The following KCNK9 variants were observed in gnomAD, a reference collection of about 807,000 sequenced individuals.
KCNK9 encodes the protein potassium channel subfamily K member 9.
Under a neutral mutation model 10.8 loss-of-function variants are expected in KCNK9, and 1 was observed. The ratio of observed to expected loss-of-function variants is 0.09; its 90% confidence interval spans 0.03 to 0.44. The LOEUF (loss-of-function observed/expected upper bound fraction) is 0.44. Ranked by LOEUF, KCNK9 falls within the 20% of genes least tolerant of loss-of-function variation. KCNK9 has a pLI of 0.97. For synonymous variants in KCNK9, 231 were observed against 222.7 expected (o/e 1.04, Z -0.33); for missense variants, 303 against 515.0 (o/e 0.59, Z 3.98).
At chr8:139,663,688 A>T (rs1379668396) in intron 1 of KCNK9, among the ~76,000 whole-genome samples, 8 of 107,672 alleles carry the variant, frequency 7.4e-5, no homozygotes, top group East Asian at 3.3e-4. Context: ...TGTGTTAGAG[A>T]GAGAGATAGA....
chr8:139,643,692 G>A (rs1298566839), intron 1 of KCNK9, among the ~76,000 whole-genome samples: 3 of 152,190 alleles, frequency 2.0e-5, no homozygotes, highest in African/African-American at 7.2e-5. Context: ...GCTGCTGGCA[G>A]CCCCCACCCC....
chr8:139,604,511 G>A (rs968702651), intron 2 of KCNK9, among the ~76,000 whole-genome samples: 21 of 152,172 alleles, frequency 1.4e-4, no homozygotes, highest in Non-Finnish European at 2.6e-4. Flanking sequence ...CACAAGCCGG[G>A]CACGCAGATA....
intron 1 of KCNK9, among the ~76,000 whole-genome samples, chr8:139,643,002 C>T (rs1014806802): frequency 9.2e-5 from 14 of 152,150 alleles, no homozygotes; most frequent in South Asian, 2.1e-4. Flanking sequence ...CTCCCTCCAC[C>T]GAGGCCCAGC....
intron 1 of KCNK9, among the ~76,000 whole-genome samples, chr8:139,641,409 A>G (rs1397356365): frequency 6.6e-6 from 1 of 152,170 alleles, no homozygotes; most frequent in African/African-American, 2.4e-5. Flanking sequence ...CAATCAAGCC[A>G]GCACAGATGA....
intron 1 of KCNK9, among the ~76,000 whole-genome samples, chr8:139,653,507 C>A (rs1433408477): frequency 1.3e-5 from 2 of 151,826 alleles, no homozygotes; most frequent in Non-Finnish European, 2.9e-5. Context: ...AGACCTCCCC[C>A]ACCACCCCCG....
At chr8:139,665,138 A>C (rs1816266222) in intron 1 of KCNK9, among the ~76,000 whole-genome samples, 1 of 152,200 alleles carries the variant, frequency 6.6e-6, no homozygotes, top group Admixed American at 6.5e-5. Flanking sequence ...CTTGCAGTTC[A>C]AGAGGTTAGA....
chr8:139,671,591 AC>A (rs1309674715), intron 1 of KCNK9, among the ~76,000 whole-genome samples: 2 of 149,778 alleles, frequency 1.3e-5, no homozygotes, highest in Non-Finnish European at 3.0e-5. Flanking sequence ...GCTCACTGCA[AC>A]CTCTGCCTTC....
At chr8:139,700,054 G>A (rs1817166215) in intron 1 of KCNK9, among the ~76,000 whole-genome samples, 1 of 152,118 alleles carries the variant, frequency 6.6e-6, no homozygotes, top group Non-Finnish European at 1.5e-5. Flanking sequence ...AGGCCTAGGA[G>A]CATCTTAATT....
chr8:139,641,197 G>A (rs1475574836), intron 1 of KCNK9, among the ~76,000 whole-genome samples: 1 of 152,150 alleles, frequency 6.6e-6, no homozygotes, highest in African/African-American at 2.4e-5. Context: ...GGTGTGTGCT[G>A]TGGTGAGAAC....
chr8:139,690,069 T>G (rs1485408070), intron 1 of KCNK9, among the ~76,000 whole-genome samples: 1 of 152,216 alleles, frequency 6.6e-6, no homozygotes, highest in African/African-American at 2.4e-5. Context: ...TAGATGGTGG[T>G]TGTTTTCAGC....
At position 139,687,485 on chromosome 8, in the gene KCNK9, T is replaced by C. The variant is rs935333559; in HGVS notation, c.283+15225A>G. Among the ~76,000 whole-genome samples, 5 of 110,836 alleles carry C rather than the reference T, an allele frequency of 4.5e-5. 1 individual carries two copies. Among genetic ancestry groups the C allele is most frequent in the Admixed American group, 1.8e-4 (2 of 11,162 alleles). 72.7% of individuals were successfully genotyped at this position (110,836 alleles called of 152,430 possible). A position where few individuals can be genotyped will look rare whatever the true frequency, so the allele number is the denominator to read the frequency against. On this transcript the variant is annotated intron_variant, in intron 1 of 1. Coordinates refer to ENST00000520439, the MANE Select transcript of KCNK9 (RefSeq NM_001282534.2). ...TCATATATTCATATATATGTATACA[T>C]ATATACACATATATACATATATATG...
intron 1 of KCNK9, among the ~76,000 whole-genome samples, chr8:139,690,542 C>G (rs1816915598): frequency 6.6e-6 from 1 of 152,180 alleles, no homozygotes; most frequent in South Asian, 2.1e-4. Flanking sequence ...AACTCCCTGT[C>G]ACTGGAAGGT....
chr8:139,671,839 G>A (rs1262579925), intron 1 of KCNK9, among the ~76,000 whole-genome samples: 1 of 152,194 alleles, frequency 6.6e-6, no homozygotes, highest in Non-Finnish European at 1.5e-5. Flanking sequence ...GGGATTACAG[G>A]TGTGAGCCAC....
downstream of KCNK9, among the ~76,000 whole-genome samples, chr8:139,609,106 A>ACCTCACCCCG (rs1554617337): frequency 8.1e-6 from 1 of 123,852 alleles, no homozygotes; most frequent in African/African-American, 3.2e-5. Flanking sequence ...GACCCATCCC[A>ACCTCACCCCG]CCCCACCCCG....
chr8:139,651,291 G>A (rs1815854479), intron 1 of KCNK9, among the ~76,000 whole-genome samples: 1 of 152,140 alleles, frequency 6.6e-6, no homozygotes, highest in Non-Finnish European at 1.5e-5. Flanking sequence ...TCCACCTGTG[G>A]GGGTCCCCCT....
At chr8:139,668,891 G>T (rs763715709) in intron 1 of KCNK9, among the ~76,000 whole-genome samples, 11 of 152,300 alleles carry the variant, frequency 7.2e-5, no homozygotes, top group Non-Finnish European at 1.5e-4. Context: ...ACGTTCAGCT[G>T]CTTTCTTTTC....
intron 1 of KCNK9, among the ~76,000 whole-genome samples, chr8:139,633,936 G>C (rs1002718945): frequency 6.6e-6 from 1 of 152,252 alleles, no homozygotes; most frequent in Non-Finnish European, 1.5e-5. Context: ...CAGAAGCCCT[G>C]TAACTATTCG....
chr8:139,616,663 G>A (rs1814599145), downstream of KCNK9: 1 of 152,060 alleles, frequency 6.6e-6, no homozygotes, highest in Non-Finnish European at 1.5e-5. Flanking sequence ...ATCTCGTTGG[G>A]GCCTTGAGAC....
intron 1 of KCNK9, among the ~76,000 whole-genome samples, chr8:139,700,588 A>C (rs966672596): frequency 3.3e-5 from 5 of 152,020 alleles, no homozygotes; most frequent in African/African-American, 7.3e-5. Flanking sequence ...CTTTCTTTCC[A>C]GAAAATCAGT....
Sources: gnomAD v4.1 joint callset for allele counts (sites outside exome capture counted in the v4.1 genomes callset) on GRCh38, gnomAD v4.1.1 for gene constraint, MANE v1.5 for transcripts, NCBI Gene and HGNC (gene_info 2026-07-23, HGNC 2026-07-21) for gene names.